Variants in MAMDC2 observed in about 807,000 individuals in gnomAD.
MAMDC2 encodes MAM domain-containing protein 2.
Under a neutral mutation model 89.8 loss-of-function variants are expected in MAMDC2, and 57 were observed. That is an observed-to-expected ratio of 0.63 (90% CI 0.51 to 0.79). MAMDC2 has a LOEUF of 0.79. MAMDC2 is among the 30% of genes least tolerant of loss of function. MAMDC2 has a pLI of 0.00. For synonymous variants in MAMDC2, 313 were observed against 293.4 expected, an observed-to-expected ratio of 1.07 and a Z score of -0.68; for missense variants, 800 against 820.6, an observed-to-expected ratio of 0.97 and a Z score of 0.31.
At chr9:70,134,828 C>G (rs1287908091) in intron 7 of MAMDC2, among the ~76,000 whole-genome samples, 1 of 152,188 alleles carries the variant, frequency 6.6e-6, no homozygotes, top group African/African-American at 2.4e-5. Context: ...GTCCCACTGC[C>G]TCTCCTACCC....
chr9:70,165,258 C>T (rs1357724602), intron 9 of MAMDC2, among the ~76,000 whole-genome samples: 2 of 152,136 alleles, frequency 1.3e-5, no homozygotes, highest in East Asian at 1.9e-4. Flanking sequence ...CCCACTCATC[C>T]GCTTGCCCAG....
chr9:70,060,716 CAGAGAG>C (rs1161076811), intron 2 of MAMDC2: 2 of 151,630 alleles, frequency 1.3e-5, no homozygotes, highest in African/African-American at 4.9e-5. Context: ...CTGTCTGTGT[CAGAGAG>C]AGAGAGAAAG....
chr9:70,072,644 G>C (rs1827434949), intron 2 of MAMDC2, among the ~76,000 whole-genome samples: 1 of 152,000 alleles, frequency 6.6e-6, no homozygotes, highest in South Asian at 2.1e-4. Flanking sequence ...ACTTGCCCAG[G>C]CTATATTGAG....
In MAMDC2 at chr9:70,126,411, T is replaced by C; in HGVS notation, c.896T>C (p.Met299Thr). ...AEVEFSAPYPMEVIFEVAFNG... is the reference protein window; with the variant it reads ...AEVEFSAPYPTEVIFEVAFNG... Reference sequence around the variant, plus strand: ...GTCGAGTTCAGTGCTCCTTACCCCATGGAGGTAGGTGTACTGGTGCGCACC... The same window carrying C: ...GTCGAGTTCAGTGCTCCTTACCCCACGGAGGTAGGTGTACTGGTGCGCACC... Residue 299 changes from methionine to threonine, a missense_variant, in exon 6 of 14, where the codon ATG becomes ACG. By Grantham distance (81) the Met-to-Thr change is moderately conservative. Coordinates refer to ENST00000377182, the MANE Select transcript of MAMDC2 (RefSeq NM_153267.5). 4 of 1,612,544 alleles carry C rather than the reference T, an allele frequency of 2.5e-6. No homozygotes were observed. The highest frequency in any genetic ancestry group is 2.2e-5 in the East Asian group (1 of 44,816).
chr9:70,133,625 T>C (rs1177167322), intron 7 of MAMDC2, among the ~76,000 whole-genome samples: 1 of 152,212 alleles, frequency 6.6e-6, no homozygotes, highest in Non-Finnish European at 1.5e-5. Context: ...CACATCCCTA[T>C]TCTGCCACTT....
intron 2 of MAMDC2, among the ~76,000 whole-genome samples, chr9:70,068,153 A>T (rs1156257328): frequency 1.3e-5 from 2 of 152,228 alleles, no homozygotes; most frequent in African/African-American, 2.4e-5. Flanking sequence ...TTGACATCTC[A>T]AAAGTATGAG....
intron 11 of MAMDC2, among the ~76,000 whole-genome samples, chr9:70,184,150 G>T (rs2032700676): frequency 2.0e-5 from 3 of 152,154 alleles, no homozygotes; most frequent in Admixed American, 2.0e-4. Context: ...AGCTTAGTTT[G>T]GCTGGATATG....
chr9:70,158,193 G>A (rs192417049), intron 9 of MAMDC2, among the ~76,000 whole-genome samples: 12 of 152,158 alleles, frequency 7.9e-5, no homozygotes, highest in Admixed American at 1.3e-4. Flanking sequence ...GGGCTCAAGC[G>A]ATCCACCCAT....
At chr9:70,098,283 C>T (rs1401671668) in intron 2 of MAMDC2, among the ~76,000 whole-genome samples, 9 of 152,196 alleles carry the variant, frequency 5.9e-5, no homozygotes, top group Non-Finnish European at 1.2e-4. Flanking sequence ...CACCCTTTGG[C>T]AGGATTTACC....
intron 9 of MAMDC2, among the ~76,000 whole-genome samples, chr9:70,159,272 T>C (rs184867532): frequency 6.6e-5 from 10 of 152,310 alleles, no homozygotes; most frequent in Admixed American, 6.5e-4. Context: ...ATAATCATGG[T>C]TATGCACAAA....
At chr9:70,209,384 T>C (rs1167336482) in intron 11 of MAMDC2, among the ~76,000 whole-genome samples, 1 of 152,218 alleles carries the variant, frequency 6.6e-6, no homozygotes, top group African/African-American at 2.4e-5. Flanking sequence ...GAGGAATTTA[T>C]CCATTTCTTC....
chr9:70,130,163 C>A (rs2030738636), intron 6 of MAMDC2, among the ~76,000 whole-genome samples: 1 of 151,336 alleles, frequency 6.6e-6, no homozygotes, highest in African/African-American at 2.4e-5. Context: ...TGACCCTATT[C>A]CCAAATAAGG....
At chr9:70,143,080 A>G (rs1356385985) in intron 8 of MAMDC2, among the ~76,000 whole-genome samples, 1 of 152,214 alleles carries the variant, frequency 6.6e-6, no homozygotes. Context: ...CTGCCCAGAC[A>G]CACAAACTTC....
At chr9:70,145,266 G>A (rs1385772473) in intron 9 of MAMDC2, among the ~76,000 whole-genome samples, 1 of 152,200 alleles carries the variant, frequency 6.6e-6, no homozygotes, top group Non-Finnish European at 1.5e-5. Context: ...CTCCCTGGAG[G>A]AGAGAGGAAG....
At chr9:70,082,219 A>G (rs1827668358) in intron 2 of MAMDC2, 2 of 152,148 alleles carry the variant, frequency 1.3e-5, no homozygotes, top group Admixed American at 1.3e-4. Context: ...ACATAGCAAG[A>G]CCCTGTCTCT....
intron 6 of MAMDC2, among the ~76,000 whole-genome samples, chr9:70,129,300 C>A (rs1291867495): frequency 1.3e-5 from 2 of 152,210 alleles, no homozygotes; most frequent in Non-Finnish European, 2.9e-5. Context: ...AAGCTCTCTT[C>A]TCTTCTCTTT....
At chr9:70,107,955 G>T (rs1156357881) in intron 2 of MAMDC2, among the ~76,000 whole-genome samples, 1 of 152,162 alleles carries the variant, frequency 6.6e-6, no homozygotes, top group Admixed American at 6.5e-5. Flanking sequence ...TTATGGCAAA[G>T]TGGAGACCAC....
At chr9:70,124,373 A>T (rs1002684149) in intron 5 of MAMDC2, among the ~76,000 whole-genome samples, 3 of 152,152 alleles carry the variant, frequency 2.0e-5, no homozygotes, top group African/African-American at 7.2e-5. Flanking sequence ...TGAGAATTTG[A>T]GTTTGTAATC....
intron 5 of MAMDC2, among the ~76,000 whole-genome samples, chr9:70,122,166 A>C (rs534866572): frequency 6.6e-6 from 1 of 152,360 alleles, no homozygotes; most frequent in African/African-American, 2.4e-5. Flanking sequence ...AAAAGGGTAC[A>C]AGAGCATGCG....
Sources: allele counts gnomAD v4.1 joint callset (sites outside exome capture counted in the v4.1 genomes callset), GRCh38; gene constraint gnomAD v4.1.1; transcripts MANE v1.5; gene names NCBI Gene and HGNC (gene_info 2026-07-23, HGNC 2026-07-21).